RBFOX1: variants seen among roughly 807,000 people sequenced by gnomAD.
RBFOX1 encodes RNA binding fox-1 homolog 1.
RBFOX1 carries 8 observed loss-of-function variants against 57.7 expected under a neutral mutation model. The ratio of observed to expected loss-of-function variants is 0.14; its 90% CI spans 0.08 to 0.25. The LOEUF is 0.25. Ranked by LOEUF, RBFOX1 falls within the 10% of genes least tolerant of loss-of-function variation. The probability of loss-of-function intolerance (pLI) is 1.00; values close to 1 mark genes in which losing one functional copy is unlikely to be tolerated. For missense variants in RBFOX1, 611 were observed against 548.5 expected, an observed-to-expected ratio of 1.11 and a Z score of -1.14; for synonymous variants, 326 against 222.4, an observed-to-expected ratio of 1.47 and a Z score of -4.15.
chr16:5,763,481 C>T (rs1004077322), intron 3 of RBFOX1, among the ~76,000 whole-genome samples: 1 of 152,176 alleles, frequency 6.6e-6, no homozygotes, highest in Non-Finnish European at 1.5e-5. Flanking sequence ...AGCCCCTGGC[C>T]CAGGAGGCTC....
rs1567757037 is a variant in RBFOX1, at chr16:7,218,643, T to TGCGTGC, written c.27+166546_27+166547insCGTGCG. On this transcript the variant is annotated intron_variant, in intron 4 of 15. Transcript: ENST00000550418. ...TGGGGGTTTGCTGTGTGTGTGTGTG[T>TGCGTGC]GTGTGTGTGTGTGTGTGTGTGTGTG... Among the ~76,000 whole-genome samples the TGCGTGC allele has an allele frequency of 3.4e-5, 5 of 148,400 alleles. No individual in the cohort carries two copies. The Admixed American group carries it at 3.4e-4, about 10-fold the overall frequency.
At chr16:5,653,795 G>A (rs2041549552) in intron 3 of RBFOX1, among the ~76,000 whole-genome samples, 1 of 152,208 alleles carries the variant, frequency 6.6e-6, no homozygotes, top group Admixed American at 6.5e-5. Flanking sequence ...TGCAGCCACT[G>A]AGTCCAGGCC....
intron 2 of RBFOX1, among the ~76,000 whole-genome samples, chr16:6,644,216 G>A (rs1182532960): frequency 6.6e-6 from 1 of 152,250 alleles, no homozygotes; most frequent in Non-Finnish European, 1.5e-5. Flanking sequence ...TAAATTAGAA[G>A]CCGTTGTTAT....
chr16:6,639,599 G>A (rs540695674), intron 2 of RBFOX1, among the ~76,000 whole-genome samples: 5 of 152,100 alleles, frequency 3.3e-5, no homozygotes, highest in African/African-American at 4.8e-5. Context: ...ATTGTGGGCC[G>A]GGCACGGTGG....
chr16:6,662,967 C>T (rs1344994941), intron 3 of RBFOX1, among the ~76,000 whole-genome samples: 1 of 152,184 alleles, frequency 6.6e-6, no homozygotes, highest in South Asian at 2.1e-4. Flanking sequence ...ATGGATCGCA[C>T]ATAACTGAAG....
At chr16:6,088,941 A>C (rs1458069840) in intron 1 of RBFOX1, among the ~76,000 whole-genome samples, 6 of 151,612 alleles carry the variant, frequency 4.0e-5, no homozygotes, top group African/African-American at 1.5e-4. Context: ...CTAAAAATAC[A>C]AAAAATTAGC....
At chr16:7,107,147 T>C (rs1454053878) in intron 4 of RBFOX1, among the ~76,000 whole-genome samples, 1 of 152,140 alleles carries the variant, frequency 6.6e-6, no homozygotes, top group Non-Finnish European at 1.5e-5. Flanking sequence ...AAGAACATTG[T>C]ATCCAGGGAG....
At chr16:7,298,499 C>A (rs1386242935) in intron 4 of RBFOX1, among the ~76,000 whole-genome samples, 1 of 151,916 alleles carries the variant, frequency 6.6e-6, no homozygotes, top group Non-Finnish European at 1.5e-5. Flanking sequence ...ACCATCTTGG[C>A]CAGTCTCATC....
chr16:5,631,675 A>G (rs953759549), intron 3 of RBFOX1, among the ~76,000 whole-genome samples: 1 of 152,106 alleles, frequency 6.6e-6, no homozygotes, highest in African/African-American at 2.4e-5. Flanking sequence ...CTAGAACGGA[A>G]GCTACTTGAT....
chr16:7,102,521 T>A (rs543530357), intron 4 of RBFOX1, among the ~76,000 whole-genome samples: 1 of 152,338 alleles, frequency 6.6e-6, no homozygotes, highest in South Asian at 2.1e-4. Context: ...CTGATGTGCT[T>A]ACTGCTTCAT....
intron 4 of RBFOX1, among the ~76,000 whole-genome samples, chr16:7,343,174 G>A (rs1265303180): frequency 6.6e-6 from 1 of 152,146 alleles, no homozygotes; most frequent in Non-Finnish European, 1.5e-5. Context: ...TAAATAATAA[G>A]AATAGCTCCC....
At chr16:6,503,198 T>C (rs1343690686) in intron 2 of RBFOX1, among the ~76,000 whole-genome samples, 1 of 105,060 alleles carries the variant, frequency 9.5e-6, no homozygotes, top group Admixed American at 1.0e-4. Flanking sequence ...TTATTTGTTT[T>C]CATAACATTT....
At chr16:7,275,300 A>G (rs2095419331) in intron 4 of RBFOX1, among the ~76,000 whole-genome samples, 1 of 152,234 alleles carries the variant, frequency 6.6e-6, no homozygotes, top group East Asian at 1.9e-4. Context: ...CTTGATTTCT[A>G]ATCGTTATAT....
intron 3 of RBFOX1, among the ~76,000 whole-genome samples, chr16:6,689,315 C>G (rs1234895007): frequency 1.3e-5 from 2 of 152,156 alleles, no homozygotes; most frequent in Admixed American, 6.5e-5. Flanking sequence ...ATAGAATAGA[C>G]TTTGAAATAT....
chr16:5,374,509 G>T (rs2065938272), intron 1 of RBFOX1, among the ~76,000 whole-genome samples: 1 of 152,174 alleles, frequency 6.6e-6, no homozygotes, highest in Non-Finnish European at 1.5e-5. Flanking sequence ...GGAGCAGGCA[G>T]CAGTTTTATC....
chr16:5,698,824 T>C (rs1256820625), intron 3 of RBFOX1, among the ~76,000 whole-genome samples: 2 of 152,212 alleles, frequency 1.3e-5, no homozygotes, highest in Non-Finnish European at 2.9e-5. Flanking sequence ...GAATACTTTG[T>C]TTTTAAAATT....
At chr16:7,264,166 C>T (rs1418605192) in intron 4 of RBFOX1, among the ~76,000 whole-genome samples, 2 of 152,134 alleles carry the variant, frequency 1.3e-5, no homozygotes, top group African/African-American at 4.8e-5. Flanking sequence ...TGCTAGGCTC[C>T]TGGACTCCAG....
chr16:6,714,220 C>T (rs528845371), intron 3 of RBFOX1, among the ~76,000 whole-genome samples: 1 of 152,166 alleles, frequency 6.6e-6, no homozygotes, highest in Middle Eastern at 3.2e-3. Flanking sequence ...TTTCCTGAGG[C>T]CTCTCCAGCC....
intron 3 of RBFOX1, among the ~76,000 whole-genome samples, chr16:6,765,244 G>C (rs528840836): frequency 6.6e-6 from 1 of 152,248 alleles, no homozygotes; most frequent in South Asian, 2.1e-4. Context: ...GAACACACAG[G>C]CTCCTGCAGG....
Sources: allele counts gnomAD v4.1 joint callset (sites outside exome capture counted in the v4.1 genomes callset), GRCh38; gene constraint gnomAD v4.1.1; transcripts MANE v1.5; gene names NCBI Gene and HGNC (gene_info 2026-07-23, HGNC 2026-07-21).